The following DNAH6 variants were observed in gnomAD, a reference collection of about 807,000 sequenced individuals.
DNAH6 encodes the protein dynein axonemal heavy chain 6.
DNAH6 carries 340 observed loss-of-function variants against 491.4 expected under a neutral mutation model. The observed-to-expected ratio is 0.69, with a 90% CI of 0.63 to 0.76. The LOEUF (loss-of-function observed/expected upper bound fraction) is 0.76. Among genes scored for constraint, DNAH6 ranks in the 30% least tolerant of loss-of-function variants. The probability of loss-of-function intolerance (pLI) is 0.00; values close to 1 mark genes in which losing one functional copy is unlikely to be tolerated. For missense variants in DNAH6, 4,443 were observed against 4,972.2 expected (o/e 0.89, Z 3.20); for synonymous variants, 1,603 against 1,686.1 (o/e 0.95, Z 1.21).
At position 84,669,504 on chromosome 2, in the gene DNAH6, G is replaced by A. The variant is rs17708884; in HGVS notation, c.6300G>A (p.Val2100=). ...HSVLFTGITG[V]GKSVIAKGLL... ...TGTTGTTTACTGGAATAACTGGAGT[G>A]GGCAAGGTAGGAAACTTACATCAAA... is the stretch of plus-strand genomic sequence containing the variant. The change falls in exon 38 of 77, where the codon GTG becomes GTA. Residue 2100 remains valine, a synonymous_variant. Transcript: ENST00000389394. 0.12 allele frequency: 185,400 copies of A among 1,551,116 alleles called. 12,214 individuals are homozygous for A. Among genetic ancestry groups the A allele is most frequent in the Middle Eastern group, 0.17 (1,023 of 5,990 alleles).
intron 70 of DNAH6, among the ~76,000 whole-genome samples, chr2:84,800,017 T>C (rs1449833642): frequency 1.3e-5 from 2 of 152,210 alleles, no homozygotes; most frequent in Admixed American, 1.3e-4. Context: ...CTATTGCAGC[T>C]AAGAGCCTAT....
chr2:84,651,486 G>C (rs1690450094), intron 33 of DNAH6, among the ~76,000 whole-genome samples: 2 of 152,178 alleles, frequency 1.3e-5, no homozygotes, highest in Admixed American at 1.3e-4. Flanking sequence ...TGTGGTGTTT[G>C]GTTAGAGTAG....
intron 18 of DNAH6, among the ~76,000 whole-genome samples, chr2:84,603,767 G>A (rs1252928395): frequency 6.6e-6 from 1 of 152,142 alleles, no homozygotes; most frequent in Non-Finnish European, 1.5e-5. Context: ...AGTGCCTTAA[G>A]GTGGCACAGT....
At chr2:84,728,554 T>G (rs911687716) in intron 61 of DNAH6, among the ~76,000 whole-genome samples, 1 of 152,234 alleles carries the variant, frequency 6.6e-6, no homozygotes, top group Non-Finnish European at 1.5e-5. Context: ...TGAACATGTT[T>G]TGCAAAGCTG....
At chr2:84,569,872 T>C (rs1681598705) in intron 11 of DNAH6, among the ~76,000 whole-genome samples, 1 of 152,148 alleles carries the variant, frequency 6.6e-6, no homozygotes, top group African/African-American at 2.4e-5. Flanking sequence ...TGTTGTTGCA[T>C]TGGAATAGAG....
intron 71 of DNAH6, among the ~76,000 whole-genome samples, chr2:84,806,013 A>C (rs1043903093): frequency 6.6e-6 from 1 of 152,172 alleles, no homozygotes; most frequent in Non-Finnish European, 1.5e-5. Context: ...TTCCAGCTCA[A>C]TGTAACTTTA....
At chr2:84,780,785 T>TC (rs1676613922) in intron 64 of DNAH6, among the ~76,000 whole-genome samples, 1 of 139,592 alleles carries the variant, frequency 7.2e-6, no homozygotes, top group Non-Finnish European at 1.6e-5. Context: ...GAGGCTTTTT[T>TC]TTTTGTATTC....
chr2:84,645,347 A>C (rs1292983838), intron 33 of DNAH6, among the ~76,000 whole-genome samples: 1 of 152,216 alleles, frequency 6.6e-6, no homozygotes, highest in Non-Finnish European at 1.5e-5. Flanking sequence ...TGAAACCGTG[A>C]GGTGGAGGTT....
At chr2:84,719,714 G>A (rs1014998616) in intron 59 of DNAH6, among the ~76,000 whole-genome samples, 8 of 151,598 alleles carry the variant, frequency 5.3e-5, no homozygotes, top group Non-Finnish European at 1.0e-4. Flanking sequence ...TGTAGAGACA[G>A]TGTCTCACCA....
At chr2:84,656,808 T>A (rs571101487) in intron 35 of DNAH6, among the ~76,000 whole-genome samples, 1 of 152,196 alleles carries the variant, frequency 6.6e-6, no homozygotes, top group African/African-American at 2.4e-5. Flanking sequence ...TCTATTCTCT[T>A]AACAGTGTGT....
chr2:84,531,685 C>T (rs1260486947), intron 4 of DNAH6, among the ~76,000 whole-genome samples: 3 of 151,752 alleles, frequency 2.0e-5, no homozygotes, highest in African/African-American at 2.4e-5. Context: ...TGTTTGGGTT[C>T]GGATACATTA....
chr2:84,519,641 C>A (rs1675946202), intron 2 of DNAH6, among the ~76,000 whole-genome samples: 1 of 149,728 alleles, frequency 6.7e-6, no homozygotes, highest in Non-Finnish European at 1.5e-5. Context: ...TCTTTCCCCT[C>A]CTCTTCCTTC....
Position 84,549,888 on chromosome 2 carries a change from G to T in DNAH6, c.1317-1G>T. On this transcript the variant is annotated splice_acceptor_variant, in intron 8 of 76. Coordinates refer to ENST00000389394, the MANE Select transcript of DNAH6 (RefSeq NM_001370.2). LOFTEE classifies it high-confidence loss of function. Reference sequence around the variant, plus strand: ...TTGTATTAGTTTTTTTTCTTTTCAAGCTTTATTCGTCTAAACGACTATCTA... The same window carrying T: ...TTGTATTAGTTTTTTTTCTTTTCAATCTTTATTCGTCTAAACGACTATCTA... The T allele has an allele frequency of 6.3e-7, 1 of 1,577,734 alleles. No homozygotes were observed. The highest frequency in any genetic ancestry group is 1.4e-5 in the African/African-American group (1 of 73,400).
intron 52 of DNAH6, among the ~76,000 whole-genome samples, chr2:84,706,569 C>A (rs1190760988): frequency 6.6e-6 from 1 of 152,154 alleles, no homozygotes; most frequent in Non-Finnish European, 1.5e-5. Flanking sequence ...ATATTAGTTT[C>A]CACTATGGCA....
chr2:84,661,288 TC>T (rs1247575221), intron 37 of DNAH6, among the ~76,000 whole-genome samples: 2 of 152,088 alleles, frequency 1.3e-5, no homozygotes, highest in African/African-American at 2.4e-5. Context: ...AAAGGAAATA[TC>T]CTCTATTACA....
At chr2:84,730,321 C>A (rs1167768675) in intron 61 of DNAH6, among the ~76,000 whole-genome samples, 2 of 152,174 alleles carry the variant, frequency 1.3e-5, no homozygotes, top group African/African-American at 4.8e-5. Context: ...TACACAAAGC[C>A]TCAAGCATCT....
rs1573187652 is a variant in DNAH6, at chr2:84,604,263, C to T, written c.2869-76C>T. The T allele has an allele frequency of 2.5e-6, 3 of 1,211,494 alleles. No individual in the cohort carries two copies. In the Admixed American group the frequency reaches 6.2e-5, roughly 25 times the overall value. The allele number at this position is 1,211,494 out of a possible 1,614,324, so 75.0% of individuals were successfully genotyped here. ...GCTCTTTTCCAGCTCTCTACATGCACAAATTGAAACCAGAACCTGTGGGTT... is the reference window on the plus strand; with the variant it reads ...GCTCTTTTCCAGCTCTCTACATGCATAAATTGAAACCAGAACCTGTGGGTT... On this transcript the variant is annotated intron_variant, in intron 18 of 76. Coordinates refer to ENST00000389394, the MANE Select transcript of DNAH6 (RefSeq NM_001370.2).
At chr2:84,466,518 AG>A in the DNAH6 span, among the ~76,000 whole-genome samples, 1 of 152,228 alleles carries the variant, frequency 6.6e-6, no homozygotes, top group East Asian at 1.9e-4. Flanking sequence ...CTCAAAAAAA[AG>A]TTTCCTCGAT....
At chr2:84,536,544 T>C (rs1004544716) in intron 4 of DNAH6, among the ~76,000 whole-genome samples, 5 of 137,212 alleles carry the variant, frequency 3.6e-5, no homozygotes. Context: ...TCTAAAATCA[T>C]TACAAGAAAT....
Sources: allele counts gnomAD v4.1 joint callset (sites outside exome capture counted in the v4.1 genomes callset), GRCh38; gene constraint gnomAD v4.1.1; transcripts MANE v1.5; gene names NCBI Gene and HGNC (gene_info 2026-07-23, HGNC 2026-07-21).